Variants in STXBP4 observed in about 807,000 individuals in gnomAD.
STXBP4 encodes syntaxin binding protein 4.
STXBP4 carries 55 observed loss-of-function variants against 76.1 expected under a neutral mutation model. The ratio of observed to expected loss-of-function variants is 0.72; its 90% CI spans 0.58 to 0.91. The LOEUF is 0.91. Ranked by LOEUF, STXBP4 falls within the 40% of genes least tolerant of loss-of-function variation. STXBP4 has a pLI of 0.00. For synonymous variants in STXBP4, 201 were observed against 220.2 expected (o/e 0.91, Z 0.77); for missense variants, 618 against 636.9 (o/e 0.97, Z 0.32).
chr17:55,044,848 T>C (rs1268796782), intron 11 of STXBP4: 2 of 151,966 alleles, frequency 1.3e-5, no homozygotes, highest in South Asian at 2.1e-4. Context: ...CAACTTGCCT[T>C]CTTTTTTTTT....
At position 55,166,039 on chromosome 17, in the gene STXBP4, G is replaced by C. The variant is rs1428645083; in HGVS notation, c.*6128G>C. The C allele has an allele frequency of 6.6e-6, 1 of 152,190 alleles. No individual in the cohort carries two copies. Among genetic ancestry groups the C allele is most frequent in the Non-Finnish European group, 1.5e-5 (1 of 68,046 alleles). 9.4% of individuals were successfully genotyped at this position (152,190 alleles called of 1,614,324 possible). ...CACAGAGTTTAGCAGTGACCCCAAG[G>C]AAAGGAAAGAACTGCAAGTTGCCTG... On this transcript the variant is annotated 3_prime_UTR_variant, in exon 18 of 18. Transcript: ENST00000376352.
rs1421139014 is a variant in STXBP4, at chr17:55,163,380, A to G, written c.*3469A>G. The G allele has an allele frequency of 6.6e-6, 1 of 152,170 alleles. No homozygotes were observed. The highest frequency in any genetic ancestry group is 1.5e-5 in the Non-Finnish European group (1 of 68,030). The allele number at this position is 152,170 out of a possible 1,614,324, so 9.4% of individuals were successfully genotyped here. ...GACTAACTCACTATATGTCAAACAC[A>G]TCATTACTCTTCTCTTTTCCTACTT... On this transcript the variant is annotated 3_prime_UTR_variant, in exon 18 of 18. Transcript: ENST00000376352.
intron 17 of STXBP4, among the ~76,000 whole-genome samples, chr17:55,146,061 C>T (rs2080149533): frequency 6.6e-6 from 1 of 152,092 alleles, no homozygotes. Flanking sequence ...TATGATTCCA[C>T]TTAAAAGTTC....
At chr17:55,009,500 G>A (rs2144555024) in intron 8 of STXBP4, among the ~76,000 whole-genome samples, 1 of 152,180 alleles carries the variant, frequency 6.6e-6, no homozygotes, top group African/African-American at 2.4e-5. Flanking sequence ...TTTTTAATCT[G>A]ATTAATATTC....
intron 13 of STXBP4, 36 bp downstream of exon 13, chr17:55,073,112 T>C (rs755000469): frequency 3.7e-6 from 6 of 1,600,310 alleles, no homozygotes; most frequent in Non-Finnish European, 5.1e-6. Context: ...GTTACCATGG[T>C]TTCCTTGCCG....
chr17:55,148,861 C>A (rs531158426), intron 17 of STXBP4, among the ~76,000 whole-genome samples: 1 of 152,176 alleles, frequency 6.6e-6, no homozygotes, highest in Non-Finnish European at 1.5e-5. Context: ...CACTGTCTAA[C>A]ACCCTCCTTC....
intron 13 of STXBP4, among the ~76,000 whole-genome samples, 194 bp from the exon 14 acceptor site, chr17:55,077,884 C>T (rs1484477304): frequency 1.3e-5 from 2 of 152,084 alleles, no homozygotes; most frequent in Non-Finnish European, 2.9e-5. Context: ...TCTCATAAAA[C>T]TTGCAGTATC....
intron 8 of STXBP4, among the ~76,000 whole-genome samples, chr17:55,017,925 A>G (rs941402328): frequency 6.6e-6 from 1 of 152,166 alleles, no homozygotes; most frequent in Non-Finnish European, 1.5e-5. Context: ...AAGGAAAGAT[A>G]GGACAGAATA....
chr17:55,098,952 A>AT (rs1463118973), intron 16 of STXBP4, among the ~76,000 whole-genome samples: 1 of 152,140 alleles, frequency 6.6e-6, no homozygotes, highest in Admixed American at 6.5e-5. Flanking sequence ...AGACACTCAT[A>AT]TTTTTTATTG....
At chr17:55,152,007 A>G (rs1473482144) in intron 17 of STXBP4, among the ~76,000 whole-genome samples, 1 of 152,214 alleles carries the variant, frequency 6.6e-6, no homozygotes, top group African/African-American at 2.4e-5. Flanking sequence ...CTTTGGAGCT[A>G]TTTAAATCTT....
chr17:55,127,245 C>T (rs1203391673), intron 16 of STXBP4, among the ~76,000 whole-genome samples: 2 of 152,194 alleles, frequency 1.3e-5, no homozygotes, highest in Non-Finnish European at 2.9e-5. Context: ...AAGTTTCTAG[C>T]TTCTTCCACT....
rs543509558 is a variant in STXBP4, at chr17:55,155,037, A to G, written c.1548-4760A>G. The stretch of plus-strand genomic sequence containing the variant: ...CCAAATGCCTAATTACAAAATGCTC[A>G]AAGTGTTCTGTGATATTTACAAAGT... On this transcript the variant is annotated intron_variant, in intron 17 of 17. Coordinates refer to ENST00000376352, the MANE Select transcript of STXBP4 (RefSeq NM_178509.6). 2.1e-3 allele frequency among the ~76,000 whole-genome samples: 327 copies of G among 152,242 alleles called. 2 individuals are homozygous for G. Among genetic ancestry groups the G allele is most frequent in the African/African-American group, 7.3e-3 (302 of 41,566 alleles).
chr17:55,115,787 C>A (rs921607440), intron 16 of STXBP4, among the ~76,000 whole-genome samples: 2 of 151,818 alleles, frequency 1.3e-5, no homozygotes, highest in African/African-American at 4.8e-5. Flanking sequence ...GGAATGCAGA[C>A]CTGAATAATA....
chr17:55,014,909 G>C (rs1851050295), intron 8 of STXBP4, among the ~76,000 whole-genome samples: 1 of 152,002 alleles, frequency 6.6e-6, no homozygotes, highest in Non-Finnish European at 1.5e-5. Context: ...TGACTAAAGT[G>C]GTGGCCTTTT....
At chr17:55,021,727 C>A (rs1224086894) in intron 8 of STXBP4, among the ~76,000 whole-genome samples, 1 of 151,990 alleles carries the variant, frequency 6.6e-6, no homozygotes, top group Non-Finnish European at 1.5e-5. Context: ...CCTCCAGGAT[C>A]TTTTCTGTAC....
At chr17:55,027,414 G>C (rs923107302) in intron 8 of STXBP4, among the ~76,000 whole-genome samples, 2 of 152,162 alleles carry the variant, frequency 1.3e-5, no homozygotes, top group South Asian at 4.1e-4. Context: ...AGACTCAGAA[G>C]GGGGATGGTG....
intron 16 of STXBP4, among the ~76,000 whole-genome samples, chr17:55,123,655 C>T (rs1159402277): frequency 6.6e-6 from 1 of 152,124 alleles, no homozygotes. Flanking sequence ...AATCCCAGCA[C>T]TTTGGGAGGC....
chr17:55,027,290 C>T (rs1191081413), intron 8 of STXBP4, among the ~76,000 whole-genome samples: 1 of 152,168 alleles, frequency 6.6e-6, no homozygotes, highest in Non-Finnish European at 1.5e-5. Flanking sequence ...TAGCTTAACA[C>T]AAGGGACAGA....
chr17:55,117,070 T>A (rs892250649), intron 16 of STXBP4, among the ~76,000 whole-genome samples: 10 of 151,896 alleles, frequency 6.6e-5, no homozygotes, highest in East Asian at 1.9e-4. Flanking sequence ...TAAGTTTTTT[T>A]AAAAATAATA....
Sources: gnomAD v4.1 joint callset for allele counts (sites outside exome capture counted in the v4.1 genomes callset) on GRCh38, gnomAD v4.1.1 for gene constraint, MANE v1.5 for transcripts, NCBI Gene and HGNC (gene_info 2026-07-23, HGNC 2026-07-21) for gene names.